KLF12: variants seen among roughly 807,000 people sequenced by gnomAD.
The protein encoded by KLF12 is Krueppel-like factor 12.
In KLF12, 9 loss-of-function variants were observed where a neutral mutation model predicts 37.8. The observed-to-expected ratio is 0.24, with a 90% confidence interval of 0.14 to 0.42. The LOEUF (loss-of-function observed/expected upper bound fraction) is 0.42. Among genes scored for constraint, KLF12 ranks in the 10% least tolerant of loss-of-function variants. The probability of loss-of-function intolerance (pLI) is 1.00; values close to 1 mark genes in which losing one functional copy is unlikely to be tolerated. For synonymous variants in KLF12, 208 were observed against 202.1 expected (o/e 1.03, Z -0.25); for missense variants, 411 against 516.0 (o/e 0.80, Z 1.97).
chr13:74,210,811 C>T, the KLF12 span, among the ~76,000 whole-genome samples: 1 of 152,198 alleles, frequency 6.6e-6, no homozygotes, highest in Non-Finnish European at 1.5e-5. Flanking sequence ...GGCCTCAGAT[C>T]CAGTGTTCTC....
intron 1 of KLF12, among the ~76,000 whole-genome samples, chr13:74,004,468 T>G (rs545268197): frequency 1.3e-5 from 2 of 152,170 alleles, no homozygotes; most frequent in Non-Finnish European, 2.9e-5. Flanking sequence ...AAACCTATAG[T>G]TTGGCTCCAG....
At chr13:73,931,881 A>T (rs74986067) in intron 3 of KLF12, among the ~76,000 whole-genome samples, 6,434 of 151,610 alleles carry the variant, frequency 0.042, 221 homozygotes, top group African/African-American at 0.099. Flanking sequence ...CATCTTTTAT[A>T]TGAAATTTAT....
rs539673073 is a variant in KLF12, at chr13:74,127,415, T to C, written c.-32+6324A>G. Reference sequence around the variant, plus strand: ...AACAAGCAATTAACACCAGAAGGAATACTATGAGTTGTGGGGCCCGAGAAT... The same window carrying C: ...AACAAGCAATTAACACCAGAAGGAACACTATGAGTTGTGGGGCCCGAGAAT... On this transcript the variant is annotated intron_variant, in intron 1 of 7. Transcript: ENST00000377669. Among the ~76,000 whole-genome samples the C allele has an allele frequency of 5.3e-5, 8 of 152,306 alleles. No individual in the cohort carries two copies. The East Asian group carries it at 1.5e-3, about 29-fold the overall frequency.
At chr13:74,214,274 T>C in the KLF12 span, among the ~76,000 whole-genome samples, 1 of 140,696 alleles carries the variant, frequency 7.1e-6, no homozygotes, top group Admixed American at 7.0e-5. Flanking sequence ...CTTGGAAACA[T>C]GCGTTCTGTA....
chr13:74,200,496 G>C, the KLF12 span, among the ~76,000 whole-genome samples: 4 of 152,078 alleles, frequency 2.6e-5, no homozygotes, highest in Non-Finnish European at 4.4e-5. Flanking sequence ...TGGAAATTTT[G>C]TTCTAGGAAT....
At chr13:73,869,121 T>C (rs1206145208) in intron 3 of KLF12, among the ~76,000 whole-genome samples, 1 of 152,270 alleles carries the variant, frequency 6.6e-6, no homozygotes, top group African/African-American at 2.4e-5. Flanking sequence ...CCATGTGTTA[T>C]ACAATTTTAA....
At chr13:73,766,905 GATCAAATAC>G (rs375971457) in intron 5 of KLF12, among the ~76,000 whole-genome samples, 35 of 152,112 alleles carry the variant, frequency 2.3e-4, no homozygotes, top group African/African-American at 8.5e-4. Context: ...CTGATCCATA[GATCAAATAC>G]TGCAAATGGA....
intron 3 of KLF12, among the ~76,000 whole-genome samples, chr13:73,914,285 C>T (rs970677802): frequency 3.3e-5 from 5 of 152,212 alleles, no homozygotes; most frequent in African/African-American, 1.2e-4. Flanking sequence ...TGCTGTGAGT[C>T]TGGGCAGACA....
intron 6 of KLF12, among the ~76,000 whole-genome samples, chr13:73,735,234 G>A (rs1244222725): frequency 6.6e-6 from 1 of 151,952 alleles, no homozygotes; most frequent in Admixed American, 6.6e-5. Flanking sequence ...GGAGTTTGAG[G>A]CTGCAGTGAG....
chr13:73,947,219 T>A (rs973836513), intron 2 of KLF12, among the ~76,000 whole-genome samples: 1 of 152,270 alleles, frequency 6.6e-6, no homozygotes, highest in Admixed American at 6.5e-5. Flanking sequence ...AAATACTTTA[T>A]GTATGCTTAT....
intron 6 of KLF12, among the ~76,000 whole-genome samples, chr13:73,752,666 T>C (rs1878849320): frequency 6.6e-6 from 1 of 151,962 alleles, no homozygotes; most frequent in Non-Finnish European, 1.5e-5. Flanking sequence ...GTGGCTAGCA[T>C]GTCTTTCTCC....
chr13:74,088,139 T>A (rs1265203130), intron 1 of KLF12, among the ~76,000 whole-genome samples: 1 of 152,172 alleles, frequency 6.6e-6, no homozygotes. Context: ...CATGGTGAGC[T>A]TGGCCCAAAG....
At chr13:74,088,662 T>A (rs1240682608) in intron 1 of KLF12, among the ~76,000 whole-genome samples, 2 of 152,312 alleles carry the variant, frequency 1.3e-5, no homozygotes, top group East Asian at 3.9e-4. Context: ...GTGCTGGGGT[T>A]CTGAACATTT....
chr13:74,282,700 G>A, the KLF12 span, among the ~76,000 whole-genome samples: 1 of 152,114 alleles, frequency 6.6e-6, no homozygotes, highest in Non-Finnish European at 1.5e-5. Flanking sequence ...AGCAAACCAA[G>A]GAATAGAAAT....
At chr13:73,903,253 G>A (rs1472458595) in intron 3 of KLF12, among the ~76,000 whole-genome samples, 1 of 152,104 alleles carries the variant, frequency 6.6e-6, no homozygotes, top group South Asian at 2.1e-4. Context: ...GCCAGAACAT[G>A]CTGTGATAGT....
intron 6 of KLF12, among the ~76,000 whole-genome samples, chr13:73,762,872 T>C (rs1378431981): frequency 3.9e-5 from 6 of 152,336 alleles, no homozygotes; most frequent in Admixed American, 3.3e-4. Context: ...TATTTCCATA[T>C]ACTAGACTCA....
intron 3 of KLF12, among the ~76,000 whole-genome samples, chr13:73,846,856 A>G (rs961118793): frequency 6.6e-6 from 1 of 152,196 alleles, no homozygotes; most frequent in Non-Finnish European, 1.5e-5. Context: ...CCCACACCTG[A>G]TCACTAATTT....
Position 73,894,813 on chromosome 13 carries a change from C to A in KLF12, c.124-48440G>T, listed in dbSNP as rs188503193. 3.9e-3 allele frequency among the ~76,000 whole-genome samples: 591 copies of A among 152,178 alleles called. 4 individuals are homozygous for A. The highest frequency in any genetic ancestry group is 6.5e-3 in the Admixed American group (100 of 15,288). On this transcript the variant is annotated intron_variant, in intron 3 of 7. Transcript: ENST00000377669. ...ATACTGTTGACTATGGGAAAAAATA[C>A]CCAATCCGCTTTTAAATAAGTTCTA...
At chr13:74,288,912 C>A in the KLF12 span, among the ~76,000 whole-genome samples, 2 of 152,216 alleles carry the variant, frequency 1.3e-5, no homozygotes, top group African/African-American at 2.4e-5. Flanking sequence ...CCTGGCACTC[C>A]TCTGCATTCA....
Sources: gnomAD v4.1 joint callset for allele counts (sites outside exome capture counted in the v4.1 genomes callset) on GRCh38, gnomAD v4.1.1 for gene constraint, MANE v1.5 for transcripts, NCBI Gene and HGNC (gene_info 2026-07-23, HGNC 2026-07-21) for gene names.